NREP: variants seen among roughly 807,000 people sequenced by gnomAD.
The protein encoded by NREP is neuronal regeneration related protein.
Under a neutral mutation model 8.6 loss-of-function variants are expected in NREP, and 5 were observed. The ratio of observed to expected loss-of-function variants is 0.58; its 90% CI spans 0.30 to 1.22. The LOEUF is 1.22. NREP is among the 50% of genes most tolerant of loss of function. NREP has a pLI of 0.07. For missense variants in NREP, 86 were observed against 82.5 expected (o/e 1.04, Z -0.17); for synonymous variants, 27 against 28.0 (o/e 0.96, Z 0.11).
At chr5:111,876,974 G>C (rs1753925297) in intron 2 of NREP, among the ~76,000 whole-genome samples, 1 of 152,134 alleles carries the variant, frequency 6.6e-6, no homozygotes, top group African/African-American at 2.4e-5. Context: ...TTGATCATAT[G>C]CTAAGTTGCT....
At chr5:111,880,636 G>C (rs79592278) in intron 2 of NREP, among the ~76,000 whole-genome samples, 1 of 151,688 alleles carries the variant, frequency 6.6e-6, no homozygotes, top group Non-Finnish European at 1.5e-5. Flanking sequence ...ATCTCTAATC[G>C]TGGACACATT....
chr5:111,974,110 C>T (rs927241717), intron 2 of NREP, among the ~76,000 whole-genome samples: 36 of 152,268 alleles, frequency 2.4e-4, no homozygotes, highest in African/African-American at 7.9e-4. Context: ...GCCTTCCTAC[C>T]GTGACTGTGT....
At chr5:111,847,112 C>A (rs902472749) in intron 2 of NREP, among the ~76,000 whole-genome samples, 2 of 144,728 alleles carry the variant, frequency 1.4e-5, no homozygotes, top group Non-Finnish European at 3.1e-5. Flanking sequence ...ACATGACACA[C>A]TTTTTTTTTT....
chr5:111,875,111 C>G (rs1050137558), intron 2 of NREP, among the ~76,000 whole-genome samples: 1 of 152,066 alleles, frequency 6.6e-6, no homozygotes, highest in East Asian at 1.9e-4. Context: ...GCAGTGAAAT[C>G]AGAAATAACA....
At chr5:111,751,563 G>A (rs180741556) in intron 2 of NREP, among the ~76,000 whole-genome samples, 225 of 152,280 alleles carry the variant, frequency 1.5e-3, no homozygotes, top group Non-Finnish European at 2.7e-3. Flanking sequence ...GTACAAAGTA[G>A]AGGAGCCTTT....
At chr5:111,735,268 TA>T in intron 3 of NREP, 161 bp downstream of exon 3, 1 of 503,084 alleles carries the variant, frequency 2.0e-6, no homozygotes, top group South Asian at 3.2e-5. Flanking sequence ...GACTTTAGGA[TA>T]TTTTTTAAAA....
chr5:111,758,100 C>CGGCCTCGG, upstream of NREP: 1 of 985,522 alleles, frequency 1.0e-6, no homozygotes, highest in South Asian at 4.7e-5. Flanking sequence ...CATTTGCACA[C>CGGCCTCGG]GGCCTCGGGT....
chr5:111,913,737 T>C (rs1031702908), intron 2 of NREP, among the ~76,000 whole-genome samples: 1 of 152,108 alleles, frequency 6.6e-6, no homozygotes, highest in Non-Finnish European at 1.5e-5. Context: ...GAAAAATGAA[T>C]TCCCAGCTCT....
intron 2 of NREP, among the ~76,000 whole-genome samples, chr5:111,841,663 C>A (rs1178290694): frequency 1.3e-5 from 2 of 152,038 alleles, no homozygotes; most frequent in African/African-American, 2.4e-5. Context: ...CTCCTTAGGG[C>A]ACACCCTTGA....
intron 2 of NREP, among the ~76,000 whole-genome samples, chr5:111,874,084 C>T (rs1332045758): frequency 6.6e-6 from 1 of 152,116 alleles, no homozygotes; most frequent in Non-Finnish European, 1.5e-5. Context: ...GGAGATTGGA[C>T]ACATAATTAT....
rs1204223726 is a variant in NREP, at chr5:111,755,763, G to A, written c.3+7C>T. 1 of 1,613,658 alleles carries A rather than the reference G, an allele frequency of 6.2e-7. No individual in the cohort carries two copies. Among genetic ancestry groups the A allele is most frequent in the African/African-American group, 1.3e-5 (1 of 74,908 alleles). ...ACTGAGAATCTCCTCTGATGACCAA[G>A]TCTTACCATTTTGAGAATCTTAGTC... On this transcript the variant is annotated splice_region_variant and intron_variant, in intron 2 of 3. Transcript: ENST00000257435.
chr5:111,898,196 A>C (rs1754558478), intron 2 of NREP, among the ~76,000 whole-genome samples: 1 of 152,194 alleles, frequency 6.6e-6, no homozygotes, highest in Non-Finnish European at 1.5e-5. Flanking sequence ...TTACGTTGAG[A>C]ACAGCTATAA....
chr5:111,804,179 C>A (rs1216871149), intron 2 of NREP, among the ~76,000 whole-genome samples: 1 of 152,078 alleles, frequency 6.6e-6, no homozygotes, highest in African/African-American at 2.4e-5. Context: ...GGTACTAGCA[C>A]ATGAACGTTA....
chr5:111,955,768 C>T (rs192688565), intron 2 of NREP, among the ~76,000 whole-genome samples: 26 of 152,040 alleles, frequency 1.7e-4, no homozygotes, highest in Admixed American at 7.2e-4. Context: ...AGAAATGTCA[C>T]GATTTTGAGC....
chr5:111,762,021 G>GAA (rs1372927482), upstream of NREP, among the ~76,000 whole-genome samples: 2 of 152,118 alleles, frequency 1.3e-5, no homozygotes, highest in Admixed American at 6.6e-5. Flanking sequence ...CAGAAATGAG[G>GAA]AAATGAGTTC....
At chr5:111,796,114 A>G (rs1358271597) in intron 2 of NREP, among the ~76,000 whole-genome samples, 3 of 152,162 alleles carry the variant, frequency 2.0e-5, no homozygotes. Context: ...TGGAGGCTCT[A>G]TGGAAGAGCC....
At chr5:111,798,916 C>A (rs1751937202) in intron 2 of NREP, among the ~76,000 whole-genome samples, 1 of 152,132 alleles carries the variant, frequency 6.6e-6, no homozygotes, top group Non-Finnish European at 1.5e-5. Flanking sequence ...TGTATAATAA[C>A]TTCTTTTCCT....
At chr5:111,757,229 TGGG>T, upstream of NREP, 13 of 180,866 alleles carry the variant, frequency 7.2e-5, no homozygotes, top group Non-Finnish European at 9.3e-5. Flanking sequence ...AAAGACAGAT[TGGG>T]GGGGGAGGGG....
intron 2 of NREP, among the ~76,000 whole-genome samples, chr5:111,826,082 G>C (rs1028517943): frequency 6.6e-6 from 1 of 151,916 alleles, no homozygotes; most frequent in African/African-American, 2.4e-5. Context: ...GTCTCCCAGT[G>C]AGAGGTGAAG....
Sources: gnomAD v4.1 joint callset for allele counts (sites outside exome capture counted in the v4.1 genomes callset) on GRCh38, gnomAD v4.1.1 for gene constraint, MANE v1.5 for transcripts, NCBI Gene and HGNC (gene_info 2026-07-23, HGNC 2026-07-21) for gene names.